Variants in ACADM observed in about 807,000 individuals in gnomAD.
ACADM encodes acyl-CoA dehydrogenase medium chain.
In ACADM, 49 loss-of-function variants were observed where a neutral mutation model predicts 58.9. The observed-to-expected ratio is 0.83, with a 90% confidence interval of 0.66 to 1.06. ACADM has a LOEUF of 1.06. ACADM is among the 50% of genes least tolerant of loss of function. The pLI, the probability that ACADM is intolerant of heterozygous loss-of-function variation, is 0.00. For missense variants in ACADM, 496 were observed against 507.0 expected (o/e 0.98, Z 0.21); for synonymous variants, 160 against 157.7 (o/e 1.01, Z -0.11).
intron 2 of ACADM, among the ~76,000 whole-genome samples, chr1:75,731,414 A>G (rs1461419543): frequency 6.6e-6 from 1 of 151,274 alleles, no homozygotes; most frequent in East Asian, 1.9e-4. Context: ...TCCTCTGTGC[A>G]TTTGCTCTCA....
At position 75,762,791 on chromosome 1, in the gene ACADM, C is replaced by T. The variant is rs755755504; in HGVS notation, c.*28C>T. 5 of 1,382,564 alleles carry T rather than the reference C, an allele frequency of 3.6e-6. No homozygotes were observed. Among genetic ancestry groups the T allele is most frequent in the Middle Eastern group, 1.8e-4 (1 of 5,558 alleles). 85.6% of individuals were successfully genotyped at this position (1,382,564 alleles called of 1,614,324 possible). ...AAATTACTGTAGAAATATTGAATAA[C>T]TAGAACACAAGCCACTGTTTCAGCT... On this transcript the variant is annotated 3_prime_UTR_variant, in exon 12 of 12. Coordinates refer to ENST00000370841, the MANE Select transcript of ACADM (RefSeq NM_000016.6).
At chr1:75,738,280 G>C (rs1647382267) in intron 6 of ACADM, among the ~76,000 whole-genome samples, 2 of 151,880 alleles carry the variant, frequency 1.3e-5, no homozygotes, top group African/African-American at 4.8e-5. Flanking sequence ...CTGGAGTGCA[G>C]TGGCACCATC....
At chr1:75,749,608 T>A (rs911445394) in intron 9 of ACADM, 49 bp downstream of exon 9, 2 of 1,480,410 alleles carry the variant, frequency 1.4e-6, no homozygotes, top group African/African-American at 2.8e-5. Flanking sequence ...ATTTATTACA[T>A]TAAATAAGTA....
chr1:75,732,724 T>C lies in ACADM; in HGVS notation c.199T>C (p.Tyr67His), dbSNP rs121434280. Residue 67 changes from tyrosine to histidine, a missense_variant, in exon 3 of 12, where the codon TAT (tyrosine) becomes CAT (histidine). Transcript: ENST00000370841. ...REEIIPVAAEYDKTGEYPVPL... is the reference protein window; with the variant it reads ...REEIIPVAAEHDKTGEYPVPL... Reference sequence around the variant, plus strand: ...GGAAATCATCCCAGTGGCTGCAGAATATGATAAAACTGGTGAAGTAGGTAT... The same window carrying C: ...GGAAATCATCCCAGTGGCTGCAGAACATGATAAAACTGGTGAAGTAGGTAT... The C allele has an allele frequency of 8.2e-4, 1,330 of 1,613,800 alleles. No homozygotes were observed. The highest frequency in any genetic ancestry group is 1.1e-3 in the Non-Finnish European group (1,259 of 1,179,818).
At chr1:75,750,960 G>A (rs1263391258) in intron 10 of ACADM, 2 of 286,194 alleles carry the variant, frequency 7.0e-6, no homozygotes, top group Non-Finnish European at 1.3e-5. Context: ...TGTTGGCCAG[G>A]CTGGTCTCGA....
intron 8 of ACADM, among the ~76,000 whole-genome samples, chr1:75,748,854 CTT>C (rs1648042857): frequency 6.6e-6 from 1 of 151,946 alleles, no homozygotes; most frequent in African/African-American, 2.4e-5. Context: ...AAAATGGTGA[CTT>C]TTCTACATGT....
At chr1:75,737,019 A>G (rs1351988169) in intron 6 of ACADM, among the ~76,000 whole-genome samples, 1 of 151,986 alleles carries the variant, frequency 6.6e-6, no homozygotes, top group Non-Finnish European at 1.5e-5. Context: ...TGGATATGCT[A>G]TAAATTGTTT....
chr1:75,742,574 G>A (rs193285673), intron 7 of ACADM, among the ~76,000 whole-genome samples: 31 of 152,246 alleles, frequency 2.0e-4, no homozygotes, highest in African/African-American at 6.3e-4. Flanking sequence ...GCCCTTCTTC[G>A]GGACTACGCT....
intron 7 of ACADM, among the ~76,000 whole-genome samples, chr1:75,741,076 T>A (rs538653354): frequency 6.6e-6 from 1 of 152,362 alleles, no homozygotes; most frequent in Non-Finnish European, 1.5e-5. Context: ...GCAGTGCTGT[T>A]AAGTTGTCAT....
intron 1 of ACADM, among the ~76,000 whole-genome samples, chr1:75,726,704 C>G (rs1482771127): frequency 1.3e-5 from 2 of 151,992 alleles, no homozygotes; most frequent in African/African-American, 2.4e-5. Flanking sequence ...TAGACTTGAC[C>G]TGGGATTCAG....
intron 6 of ACADM, among the ~76,000 whole-genome samples, chr1:75,737,279 A>AATATATATATATATAT (rs368688785): frequency 1.2e-4 from 5 of 43,126 alleles, no homozygotes; most frequent in African/African-American, 2.9e-4. Flanking sequence ...CACACACACA[A>AATATATATATATATAT]ATATATATAT....
chr1:75,734,124 T>C (rs7554984), intron 5 of ACADM, among the ~76,000 whole-genome samples: 44,817 of 150,680 alleles, frequency 0.3, 6,848 homozygotes, highest in Non-Finnish European at 0.33. Flanking sequence ...TAGCTGGGAT[T>C]ACAAGTGCGC....
rs1647469404 is a variant in ACADM, at chr1:75,739,932, T to G, written c.469-48T>G. The G allele has an allele frequency of 2.1e-6, 3 of 1,434,136 alleles. No individual in the cohort carries two copies. The African/African-American group carries it at 4.3e-5, about 21-fold the overall frequency. The allele number at this position is 1,434,136 out of a possible 1,614,324, so 88.8% of individuals were successfully genotyped here. On this transcript the variant is annotated intron_variant, in intron 6 of 11. Transcript: ENST00000370841. ...AATCCTGTTTCCAAACAGTCAAAAT[T>G]TAATCACTAACATTTAATTTCATTT...
At chr1:75,729,295 C>CTTTTTTTTTTTTTTTTTTTTCT (rs35372302) in intron 2 of ACADM, among the ~76,000 whole-genome samples, 1 of 85,352 alleles carries the variant, frequency 1.2e-5, no homozygotes, top group Non-Finnish European at 2.1e-5. Context: ...TTTCTTTTTT[C>CTTTTTTTTTTTTTTTTTTTTCT]TTTTTTTTTT....
At chr1:75,755,257 GT>G (rs1488398249) in intron 10 of ACADM, among the ~76,000 whole-genome samples, 1 of 152,234 alleles carries the variant, frequency 6.6e-6, no homozygotes, top group Non-Finnish European at 1.5e-5. Flanking sequence ...TTTGAAGAGA[GT>G]AGTGGTCCTC....
chr1:75,758,750 A>C (rs1275483476), intron 10 of ACADM, among the ~76,000 whole-genome samples: 5 of 152,202 alleles, frequency 3.3e-5, no homozygotes, highest in African/African-American at 1.2e-4. Flanking sequence ...TGCACGAATC[A>C]GCGCTCTGTG....
intron 2 of ACADM, among the ~76,000 whole-genome samples, chr1:75,732,088 G>T (rs1363453661): frequency 1.3e-5 from 2 of 151,870 alleles, no homozygotes; most frequent in Admixed American, 6.6e-5. Flanking sequence ...GGAGGTCGAG[G>T]CTACAGTGAG....
chr1:75,758,086 G>C (rs763766748), intron 10 of ACADM, among the ~76,000 whole-genome samples: 1 of 151,728 alleles, frequency 6.6e-6, no homozygotes, highest in Non-Finnish European at 1.5e-5. Flanking sequence ...TTTTCATACA[G>C]AGTCTCCCTC....
chr1:75,739,678 T>G (rs1647456327), intron 6 of ACADM, among the ~76,000 whole-genome samples: 1 of 152,088 alleles, frequency 6.6e-6, no homozygotes, highest in Non-Finnish European at 1.5e-5. Flanking sequence ...GATGTGTGCT[T>G]GCAGTCTCAG....
Sources: gnomAD v4.1 joint callset for allele counts (sites outside exome capture counted in the v4.1 genomes callset) on GRCh38, gnomAD v4.1.1 for gene constraint, MANE v1.5 for transcripts, NCBI Gene and HGNC (gene_info 2026-07-23, HGNC 2026-07-21) for gene names.